The following PRKN variants were observed in gnomAD, a reference collection of about 807,000 sequenced individuals.
PRKN encodes the protein E3 ubiquitin-protein ligase parkin.
Under a neutral mutation model 59.5 loss-of-function variants are expected in PRKN, and 56 were observed. The observed-to-expected ratio is 0.94, with a 90% CI of 0.76 to 1.18. The LOEUF (loss-of-function observed/expected upper bound fraction) is 1.18, where lower values mean the gene tolerates loss of function less well. Among genes scored for constraint, PRKN ranks in the 50% most tolerant of loss-of-function variants. PRKN has a pLI of 0.00. For missense variants in PRKN, 657 were observed against 596.4 expected, an observed-to-expected ratio of 1.10 and a Z score of -1.06; for synonymous variants, 250 against 222.1, an observed-to-expected ratio of 1.13 and a Z score of -1.12.
chr6:162,519,138 C>A (rs768768676), intron 1 of PRKN, among the ~76,000 whole-genome samples: 2 of 152,102 alleles, frequency 1.3e-5, no homozygotes, highest in Non-Finnish European at 2.9e-5. Context: ...CCATTGCACT[C>A]CAGCCTGGGC....
At chr6:162,076,234 G>A (rs1778822550) in intron 4 of PRKN, among the ~76,000 whole-genome samples, 1 of 152,096 alleles carries the variant, frequency 6.6e-6, no homozygotes, top group East Asian at 1.9e-4. Flanking sequence ...CTCCCAAAGT[G>A]CTGGGATTAC....
At chr6:161,708,254 C>T (rs1254937959) in intron 7 of PRKN, among the ~76,000 whole-genome samples, 1 of 152,078 alleles carries the variant, frequency 6.6e-6, no homozygotes, top group Non-Finnish European at 1.5e-5. Flanking sequence ...TTAAAAATGA[C>T]TGTCTGATGG....
chr6:161,465,085 G>A (rs1790398639), intron 9 of PRKN, among the ~76,000 whole-genome samples: 1 of 152,234 alleles, frequency 6.6e-6, no homozygotes, highest in South Asian at 2.1e-4. Context: ...GCAGCTTGGA[G>A]TATGCAAAAA....
chr6:162,636,860 C>T (rs545017902), intron 1 of PRKN, among the ~76,000 whole-genome samples: 16 of 151,838 alleles, frequency 1.1e-4, no homozygotes, highest in African/African-American at 3.6e-4. Context: ...GTCGGGAGGC[C>T]GAAGTGGGAG....
intron 9 of PRKN, among the ~76,000 whole-genome samples, chr6:161,478,384 G>A (rs1791225170): frequency 6.6e-6 from 1 of 152,112 alleles, no homozygotes; most frequent in Non-Finnish European, 1.5e-5. Context: ...TTATATTATT[G>A]CACTTATTAA....
intron 1 of PRKN, among the ~76,000 whole-genome samples, chr6:162,725,771 G>GA (rs34045483): frequency 0.086 from 11,245 of 130,376 alleles, 611 homozygotes; most frequent in Middle Eastern, 0.18. Flanking sequence ...TCAAAAAGAG[G>GA]AAAAAAAAAA....
intron 6 of PRKN, among the ~76,000 whole-genome samples, chr6:161,831,360 T>TA (rs1792491966): frequency 6.6e-6 from 1 of 152,246 alleles, no homozygotes; most frequent in African/African-American, 2.4e-5. Context: ...ACATGTCAGC[T>TA]GCTTACAGAT....
At chr6:162,605,769 T>C (rs1009987487) in intron 1 of PRKN, among the ~76,000 whole-genome samples, 2 of 152,210 alleles carry the variant, frequency 1.3e-5, no homozygotes, top group Non-Finnish European at 2.9e-5. Context: ...GATATATTCA[T>C]ATCACGTGGC....
At chr6:162,219,541 G>T (rs1056887161) in intron 3 of PRKN, among the ~76,000 whole-genome samples, 9 of 151,184 alleles carry the variant, frequency 6.0e-5, no homozygotes, top group Non-Finnish European at 5.9e-5. Context: ...ACACTACGTA[G>T]AAAATGCACT....
chr6:162,558,228 G>A (rs1285997760), intron 1 of PRKN, among the ~76,000 whole-genome samples: 1 of 151,900 alleles, frequency 6.6e-6, no homozygotes, highest in East Asian at 1.9e-4. Flanking sequence ...CAAAGAAAGT[G>A]GCATTCATGT....
intron 6 of PRKN, among the ~76,000 whole-genome samples, chr6:161,942,897 CA>C (rs1338581080): frequency 6.6e-6 from 1 of 152,008 alleles, no homozygotes; most frequent in Non-Finnish European, 1.5e-5. Flanking sequence ...TATTTTGAGG[CA>C]AAAAATTTAA....
rs1784727878 is a variant in PRKN, at chr6:161,355,854, T to C, written c.1285+4234A>G. On this transcript the variant is annotated intron_variant, in intron 11 of 11. Transcript: ENST00000366898. This position sits in a 1 kb window ranked among gnomAD's most constrained non-coding sequence, Gnocchi z 6.8. Reference sequence around the variant, plus strand: ...TGTAAATGAACAAATTAAGCAATGATCTGGGAAGGAAGTGGTGCTATGAAA... The same window carrying C: ...TGTAAATGAACAAATTAAGCAATGACCTGGGAAGGAAGTGGTGCTATGAAA... Among the ~76,000 whole-genome samples the C allele has an allele frequency of 6.6e-6, 1 of 152,108 alleles. No individual in the cohort carries two copies. The highest frequency in any genetic ancestry group is 1.5e-5 in the Non-Finnish European group (1 of 68,028).
intron 1 of PRKN, among the ~76,000 whole-genome samples, chr6:162,568,218 C>T (rs1172362596): frequency 6.6e-6 from 1 of 152,156 alleles, no homozygotes; most frequent in Non-Finnish European, 1.5e-5. Context: ...GTAAAAATTT[C>T]TTGAGCAATA....
intron 9 of PRKN, among the ~76,000 whole-genome samples, chr6:161,482,619 G>A (rs1166188797): frequency 6.6e-6 from 1 of 152,200 alleles, no homozygotes; most frequent in Admixed American, 6.5e-5. Context: ...AGCTGGGCAG[G>A]GAAGCATGAA....
intron 1 of PRKN, among the ~76,000 whole-genome samples, chr6:162,664,082 G>A (rs1779002784): frequency 6.6e-6 from 1 of 151,964 alleles, no homozygotes; most frequent in Non-Finnish European, 1.5e-5. Flanking sequence ...GGTGTGTGTT[G>A]TTACCCTGTG....
At chr6:161,967,183 T>C (rs1412734285) in intron 6 of PRKN, among the ~76,000 whole-genome samples, 3 of 152,224 alleles carry the variant, frequency 2.0e-5, no homozygotes, top group African/African-American at 7.2e-5. Flanking sequence ...ACACAAATCA[T>C]GTACCTGAAT....
At chr6:162,131,899 G>A (rs1182175563) in intron 4 of PRKN, among the ~76,000 whole-genome samples, 2 of 152,214 alleles carry the variant, frequency 1.3e-5, no homozygotes, top group East Asian at 3.9e-4. Flanking sequence ...GGGTTGGCAA[G>A]TGCTTCAGTC....
rs1308455643 is a variant in PRKN, at chr6:161,503,414, A to G, written c.1083+45440T>C. On this transcript the variant is annotated intron_variant, in intron 9 of 11. Transcript: ENST00000366898. The surrounding 1 kb of genome is among the most constrained non-coding windows in gnomAD (Gnocchi z 5.1). Reference sequence around the variant, plus strand: ...TATTCAGGTCATTCTCACCACAAATATATGGGATAAGTACCATTTTCATCC... The same window carrying G: ...TATTCAGGTCATTCTCACCACAAATGTATGGGATAAGTACCATTTTCATCC... 6.6e-6 allele frequency among the ~76,000 whole-genome samples: 1 copy of G among 152,206 alleles called. No homozygotes were observed. The highest frequency in any genetic ancestry group is 1.5e-5 in the Non-Finnish European group (1 of 68,044).
At chr6:162,083,251 A>G (rs1226648482) in intron 4 of PRKN, among the ~76,000 whole-genome samples, 1 of 152,014 alleles carries the variant, frequency 6.6e-6, no homozygotes, top group East Asian at 1.9e-4. Flanking sequence ...GAAAACAAAG[A>G]TCCCCAATCA....
Sources: gnomAD v4.1 joint callset for allele counts (sites outside exome capture counted in the v4.1 genomes callset) on GRCh38, gnomAD v4.1.1 for gene constraint, Gnocchi (gnomAD v3.1) non-coding constraint, MANE v1.5 for transcripts, NCBI Gene and HGNC (gene_info 2026-07-23, HGNC 2026-07-21) for gene names.